ASB18: variants seen among roughly 807,000 people sequenced by gnomAD.
ASB18 encodes ankyrin repeat and SOCS box protein 18.
A neutral mutation model predicts 33.4 loss-of-function variants in ASB18; 33 were observed. The ratio of observed to expected loss-of-function variants is 0.99; its 90% CI spans 0.75 to 1.32. The LOEUF is 1.32. Ranked by LOEUF, ASB18 falls within the 40% of genes most tolerant of loss-of-function variation. The pLI is 0.00. For synonymous variants in ASB18, 295 were observed against 307.6 expected (o/e 0.96, Z 0.43); for missense variants, 694 against 655.5 (o/e 1.06, Z -0.64).
Position 236,195,305 on chromosome 2 carries a change from G to A in ASB18, c.1216-248C>T, listed in dbSNP as rs532407175. Among the ~76,000 whole-genome samples, 29 of 152,268 alleles carry A rather than the reference G, an allele frequency of 1.9e-4. No individual in the cohort carries two copies. Among genetic ancestry groups the A allele is most frequent in the Admixed American group, 1.9e-3 (29 of 15,288 alleles). ...ACTGGGGTGACTTCAGATGCTCCAG[G>A]TGGTCTCCCCGAATTCCGTTTTGCT... On this transcript the variant is annotated intron_variant, in intron 5 of 5. Coordinates refer to ENST00000409749, the MANE Select transcript of ASB18 (RefSeq NM_212556.4). This position sits in a 1 kb window ranked among gnomAD's most constrained non-coding sequence, Gnocchi z 5.5.
rs1177086555 is a variant in ASB18, at chr2:236,217,487, T to A, written c.597-2621A>T. Among the ~76,000 whole-genome samples the A allele has an allele frequency of 1.3e-5, 2 of 152,084 alleles. No individual in the cohort carries two copies. Among genetic ancestry groups the A allele is most frequent in the Non-Finnish European group, 2.9e-5 (2 of 68,006 alleles). ...AATGGAGGCTTTGTTTATCTCTGAT[T>A]CCCAGTGCCTATCATAGTGCCTATC... On this transcript the variant is annotated intron_variant, in intron 3 of 5. Coordinates refer to ENST00000409749, the MANE Select transcript of ASB18 (RefSeq NM_212556.4). This position sits in a 1 kb window ranked among gnomAD's most constrained non-coding sequence, Gnocchi z 5.2.
In ASB18 at chr2:236,220,155, A is replaced by G. The variant is rs2106271475; in HGVS notation, c.597-5289T>C. Among the ~76,000 whole-genome samples, 1 of 152,318 alleles carries G rather than the reference A, an allele frequency of 6.6e-6. No individual in the cohort carries two copies. Among genetic ancestry groups the G allele is most frequent in the South Asian group, 2.1e-4 (1 of 4,834 alleles). Reference sequence around the variant, plus strand: ...AGGACTGTTGAATCAATGTCATTCCAATTCATGTCTATGGGGTGGGGGGAT... The same window carrying G: ...AGGACTGTTGAATCAATGTCATTCCGATTCATGTCTATGGGGTGGGGGGAT... On this transcript the variant is annotated intron_variant, in intron 3 of 5. Coordinates refer to ENST00000409749, the MANE Select transcript of ASB18 (RefSeq NM_212556.4). This position sits in a 1 kb window ranked among gnomAD's most constrained non-coding sequence, Gnocchi z 5.1.
rs2060537865 is a variant in ASB18, at chr2:236,226,362, G to T, written c.596+11327C>A. Among the ~76,000 whole-genome samples the T allele has an allele frequency of 6.6e-6, 1 of 152,046 alleles. No individual in the cohort carries two copies. Among genetic ancestry groups the T allele is most frequent in the Non-Finnish European group, 1.5e-5 (1 of 68,026 alleles). On this transcript the variant is annotated intron_variant, in intron 3 of 5. Transcript: ENST00000409749. The surrounding 1 kb of genome is among the most constrained non-coding windows in gnomAD (Gnocchi z 4.8). ...TAATCTGGATTTAAATAAGTCAAGA[G>T]TGTCAAATTAAACAGCCAAAGGGAA... is the stretch of plus-strand genomic sequence containing the variant.
Position 236,231,899 on chromosome 2 carries a change from A to G in ASB18, c.596+5790T>C, listed in dbSNP as rs1430612280. On this transcript the variant is annotated intron_variant, in intron 3 of 5. Transcript: ENST00000409749. This position sits in a 1 kb window ranked among gnomAD's most constrained non-coding sequence, Gnocchi z 5.5. ...ACTGCAAAGAGAAACAGACAAATCC[A>G]CAATTATACTTAGAGAGTTTGACAC... Among the ~76,000 whole-genome samples, 1 of 152,264 alleles carries G rather than the reference A, an allele frequency of 6.6e-6. No homozygotes were observed. The highest frequency in any genetic ancestry group is 1.5e-5 in the Non-Finnish European group (1 of 68,048).
intron 4 of ASB18, among the ~76,000 whole-genome samples, chr2:236,202,429 C>A (rs1228014784): frequency 6.6e-6 from 1 of 151,916 alleles, no homozygotes; most frequent in Non-Finnish European, 1.5e-5. Flanking sequence ...TTTTCCGGTT[C>A]TGTTGTACAT....
chr2:236,234,310 G>C lies in ASB18; in HGVS notation c.596+3379C>G, dbSNP rs1359163668. On this transcript the variant is annotated intron_variant, in intron 3 of 5. Coordinates refer to ENST00000409749, the MANE Select transcript of ASB18 (RefSeq NM_212556.4). This position sits in a 1 kb window ranked among gnomAD's most constrained non-coding sequence, Gnocchi z 4.1. ...GCCTTCTGGATCCTGAGGAGGCAGG[G>C]ACCTTCCTGCTTCAGCCCCTTCAGA... Among the ~76,000 whole-genome samples, 1 of 152,170 alleles carries C rather than the reference G, an allele frequency of 6.6e-6. No homozygotes were observed. The highest frequency in any genetic ancestry group is 1.9e-4 in the East Asian group (1 of 5,192).
rs1185925735 is a variant in ASB18 at position 236,248,152 on chromosome 2, C to CA, written c.206-6751dup. ...AATAATGTGAACTGGAGAAATAATA[C>CA]ACGTGATGCCCCAACAGCAGTGGTT... On this transcript the variant is annotated intron_variant, in intron 1 of 5. Transcript: ENST00000409749. The surrounding 1 kb of genome is among the most constrained non-coding windows in gnomAD (Gnocchi z 4.9). 6.6e-6 allele frequency: 1 copy of CA among 152,136 alleles called. No homozygotes were observed. The highest frequency in any genetic ancestry group is 2.4e-5 in the African/African-American group (1 of 41,424). 9.4% of individuals were successfully genotyped at this position (152,136 alleles called of 1,614,324 possible).
chr2:236,195,029 A>G lies in ASB18; in HGVS notation c.1244T>C (p.Phe415Ser), dbSNP rs1285789839. ...QMHKPFYQSL[F>S]ALALTPRCLQ... ...GCAGCGTGGGGTGAGGGCCAAGGCA[A>G]AGAGGGACTGGTAGAACGGCTTGTG... The change falls in exon 6 of 6, where the codon TTT becomes TCT. Residue 415 changes from phenylalanine to serine, a missense_variant. Physicochemically the swap from Phe to Ser is radical, Grantham distance 155. Coordinates refer to ENST00000409749, the MANE Select transcript of ASB18 (RefSeq NM_212556.4). This position sits in a 1 kb window ranked among gnomAD's most constrained non-coding sequence, Gnocchi z 5.5. 2 of 1,612,980 alleles carry G rather than the reference A, an allele frequency of 1.2e-6. No individual in the cohort carries two copies. The highest frequency in any genetic ancestry group is 1.1e-5 in the South Asian group (1 of 90,908).
rs188650085 is a variant in ASB18, at chr2:236,196,703, T to G, written c.1102-318A>C. Among the ~76,000 whole-genome samples, 1,652 of 152,328 alleles carry G rather than the reference T, an allele frequency of 0.011. 28 individuals carry two copies. The highest frequency in any genetic ancestry group is 0.036 in the African/African-American group (1,510 of 41,582). On this transcript the variant is annotated intron_variant, in intron 4 of 5. Transcript: ENST00000409749. This position sits in a 1 kb window ranked among gnomAD's most constrained non-coding sequence, Gnocchi z 5.6. ...TATGCTGGTGGCTTGGCAGGCCTCC[T>G]TGGCCCCCAGAGAGCTGCTCAGAGA...
rs1243957605 is a variant in ASB18 at position 236,195,557 on chromosome 2, C to T, written c.1216-500G>A. ...TTGAGATGGAGTCTAGCTCTGTCAC[C>T]CAGGCTGGAGTGCAGTGGCGTGATC... On this transcript the variant is annotated intron_variant, in intron 5 of 5. Transcript: ENST00000409749. This position sits in a 1 kb window ranked among gnomAD's most constrained non-coding sequence, Gnocchi z 5.5. Among the ~76,000 whole-genome samples the T allele has an allele frequency of 6.6e-6, 1 of 151,810 alleles. No homozygotes were observed. Among genetic ancestry groups the T allele is most frequent in the Admixed American group, 6.6e-5 (1 of 15,256 alleles).
In ASB18 at chr2:236,208,170, C is replaced by T. The variant is rs1300727045; in HGVS notation, c.1101+6192G>A. ...CGGAAAGAGAGAGACAGAGCATGAA[C>T]ACGGAGACACGGAGAAACCAAGCCA... On this transcript the variant is annotated intron_variant, in intron 4 of 5. Transcript: ENST00000409749. This position sits in a 1 kb window ranked among gnomAD's most constrained non-coding sequence, Gnocchi z 7.7. Among the ~76,000 whole-genome samples, 1 of 152,116 alleles carries T rather than the reference C, an allele frequency of 6.6e-6. No homozygotes were observed. The highest frequency in any genetic ancestry group is 2.4e-5 in the African/African-American group (1 of 41,436).
chr2:236,253,945 AGAG>A lies in ASB18; in HGVS notation c.205+10193_205+10195del. On this transcript the variant is annotated intron_variant, in intron 1 of 5. Coordinates refer to ENST00000409749, the MANE Select transcript of ASB18 (RefSeq NM_212556.4). The surrounding 1 kb of genome is among the most constrained non-coding windows in gnomAD (Gnocchi z 5.4). Reference sequence around the variant, plus strand: ...GCCGGGAGAGAATGGCAGGGATGCCAGAGTTAGCTCAGGGTACATCTTTAGGCC... The same window carrying A: ...GCCGGGAGAGAATGGCAGGGATGCCATTAGCTCAGGGTACATCTTTAGGCC... The A allele has an allele frequency of 6.6e-6, 1 of 152,196 alleles. No homozygotes were observed. The highest frequency in any genetic ancestry group is 6.5e-5 in the Admixed American group (1 of 15,282). 9.4% of individuals were successfully genotyped at this position (152,196 alleles called of 1,614,324 possible).
At chr2:236,218,338 C>G (rs2060497055) in intron 3 of ASB18, among the ~76,000 whole-genome samples, 1 of 152,124 alleles carries the variant, frequency 6.6e-6, no homozygotes. Context: ...TTGACTGGGG[C>G]ACGTCTGCTG....
intron 4 of ASB18, among the ~76,000 whole-genome samples, chr2:236,201,445 C>T (rs1206617694): frequency 6.6e-6 from 1 of 152,182 alleles, no homozygotes; most frequent in Non-Finnish European, 1.5e-5. Context: ...TGAGCCACTA[C>T]ACCCGGCTCA....
rs148639040 is a variant in ASB18, at chr2:236,211,622, C to A, written c.1101+2740G>T. 1.6e-4 allele frequency among the ~76,000 whole-genome samples: 25 copies of A among 152,370 alleles called. No homozygotes were observed. Among genetic ancestry groups the A allele is most frequent in the African/African-American group, 4.8e-4 (20 of 41,598 alleles). On this transcript the variant is annotated intron_variant, in intron 4 of 5. Transcript: ENST00000409749. The surrounding 1 kb of genome is among the most constrained non-coding windows in gnomAD (Gnocchi z 5.0). Reference sequence around the variant, plus strand: ...GGCTCGCCATGGCGCCCGTGTGGTGCCTGCCCAGCATCTTTGTGGCTGGCT... The same window carrying A: ...GGCTCGCCATGGCGCCCGTGTGGTGACTGCCCAGCATCTTTGTGGCTGGCT...
In ASB18 at chr2:236,214,508, C is replaced by G; in HGVS notation, c.955G>C (p.Ala319Pro). The change falls in exon 4 of 6, where the codon GCG becomes CCG. Residue 319 changes from alanine to proline, a missense_variant. Ala to Pro is a conservative substitution (Grantham distance 27). Transcript: ENST00000409749. This position sits in a 1 kb window ranked among gnomAD's most constrained non-coding sequence, Gnocchi z 6.5. ...ARLLLRHGAD[A>P]GALDYGGASP... ...GCCCCGCCATAGTCGAGCGCGCCCGCGTCGGCGCCGTGCCGCAGTAGGAGG... is the reference window on the plus strand; with the variant it reads ...GCCCCGCCATAGTCGAGCGCGCCCGGGTCGGCGCCGTGCCGCAGTAGGAGG... 1 of 1,473,822 alleles carries G rather than the reference C, an allele frequency of 6.8e-7. No individual in the cohort carries two copies. Among genetic ancestry groups the G allele is most frequent in the Non-Finnish European group, 8.9e-7 (1 of 1,123,490 alleles). The allele number at this position is 1,473,822 out of a possible 1,614,324, so 91.3% of individuals were successfully genotyped here. A position where few individuals can be genotyped will look rare whatever the true frequency, so the allele number is the denominator to read the frequency against.
rs2060598182 is a variant in ASB18, at chr2:236,237,373, C to A, written c.596+316G>T. Among the ~76,000 whole-genome samples the A allele has an allele frequency of 1.3e-5, 1 of 78,820 alleles. No homozygotes were observed. Among genetic ancestry groups the A allele is most frequent in the Admixed American group, 1.1e-4 (1 of 9,362 alleles). 51.7% of individuals were successfully genotyped at this position (78,820 alleles called of 152,430 possible). A position where few individuals can be genotyped will look rare whatever the true frequency, so the allele number is the denominator to read the frequency against. On this transcript the variant is annotated intron_variant, in intron 3 of 5. Transcript: ENST00000409749. This position sits in a 1 kb window ranked among gnomAD's most constrained non-coding sequence, Gnocchi z 6.2. ...CCGGGGCGCGGGGCGGGGGCCGGGG[C>A]CGGGGCGCGGGGCGGGGGCCGGGGC...
rs558497441 is a variant in ASB18, at chr2:236,205,605, C to A, written c.1101+8757G>T. ...GAATACTTCTTTCCCCTTATCTGTT[C>A]ACTCACTTATCCTATGTGCCTAGTA... On this transcript the variant is annotated intron_variant, in intron 4 of 5. Coordinates refer to ENST00000409749, the MANE Select transcript of ASB18 (RefSeq NM_212556.4). The surrounding 1 kb of genome is among the most constrained non-coding windows in gnomAD (Gnocchi z 5.4). Among the ~76,000 whole-genome samples the A allele has an allele frequency of 6.6e-6, 1 of 152,360 alleles. No homozygotes were observed. The highest frequency in any genetic ancestry group is 1.9e-4 in the East Asian group (1 of 5,192).
chr2:236,218,258 C>T (rs1444278736), intron 3 of ASB18, among the ~76,000 whole-genome samples: 1 of 152,194 alleles, frequency 6.6e-6, no homozygotes, highest in African/African-American at 2.4e-5. Context: ...GTTGGCTAAA[C>T]CTTGGCACTT....
Sources: gnomAD v4.1 joint callset for allele counts (sites outside exome capture counted in the v4.1 genomes callset) on GRCh38, gnomAD v4.1.1 for gene constraint, Gnocchi (gnomAD v3.1) non-coding constraint, MANE v1.5 for transcripts, NCBI Gene and HGNC (gene_info 2026-07-23, HGNC 2026-07-21) for gene names.